The following KCNIP4 variants were observed in gnomAD, a reference collection of about 807,000 sequenced individuals.
KCNIP4 encodes the protein potassium voltage-gated channel interacting protein 4.
Under a neutral mutation model 34.0 loss-of-function variants are expected in KCNIP4, and 12 were observed. The observed-to-expected ratio is 0.35, with a 90% confidence interval of 0.23 to 0.57. KCNIP4 has a LOEUF of 0.57. Ranked by LOEUF, KCNIP4 falls within the 20% of genes least tolerant of loss-of-function variation. The pLI is 0.83. For synonymous variants in KCNIP4, 124 were observed against 102.2 expected (o/e 1.21, Z -1.29); for missense variants, 238 against 311.7 (o/e 0.76, Z 1.78).
At chr4:21,222,262 G>C (rs1270732014) in intron 1 of KCNIP4, among the ~76,000 whole-genome samples, 1 of 110,292 alleles carries the variant, frequency 9.1e-6, no homozygotes, top group African/African-American at 3.4e-5. Context: ...TCTGCCATGA[G>C]AGCAGGATGT....
chr4:21,869,879 T>C (rs1261596221), intron 1 of KCNIP4, among the ~76,000 whole-genome samples: 1 of 152,080 alleles, frequency 6.6e-6, no homozygotes, highest in Non-Finnish European at 1.5e-5. Flanking sequence ...GCCTGATGCC[T>C]GGCTTAGGCA....
chr4:21,429,244 C>T (rs1240126532), intron 1 of KCNIP4, among the ~76,000 whole-genome samples: 1 of 150,372 alleles, frequency 6.7e-6, no homozygotes, highest in African/African-American at 2.4e-5. Flanking sequence ...CACAGTTACA[C>T]AGTCTTTTCA....
At chr4:20,907,906 A>T (rs556704050) in intron 1 of KCNIP4, among the ~76,000 whole-genome samples, 1 of 152,068 alleles carries the variant, frequency 6.6e-6, no homozygotes, top group African/African-American at 2.4e-5. Flanking sequence ...AACTATTATT[A>T]ATCGTCAAGT....
chr4:21,311,127 A>G (rs1713110870), intron 1 of KCNIP4, among the ~76,000 whole-genome samples: 1 of 152,162 alleles, frequency 6.6e-6, no homozygotes, highest in Non-Finnish European at 1.5e-5. Context: ...AATGCTCAAT[A>G]AATAGTAGCT....
intron 1 of KCNIP4, among the ~76,000 whole-genome samples, chr4:21,778,672 A>G (rs1359741443): frequency 2.0e-5 from 3 of 152,192 alleles, no homozygotes; most frequent in East Asian, 1.9e-4. Context: ...CACATTTTAT[A>G]TAAATCTAGA....
At chr4:21,459,154 T>C (rs1729231373) in intron 1 of KCNIP4, among the ~76,000 whole-genome samples, 1 of 152,086 alleles carries the variant, frequency 6.6e-6, no homozygotes, top group South Asian at 2.1e-4. Flanking sequence ...GGCCACTCTC[T>C]TCAATTCCTT....
At chr4:20,868,162 T>C (rs1372308006) in intron 2 of KCNIP4, among the ~76,000 whole-genome samples, 1 of 151,742 alleles carries the variant, frequency 6.6e-6, no homozygotes, top group East Asian at 1.9e-4. Flanking sequence ...TAAAACCAAA[T>C]AACCCCCTTT....
intron 1 of KCNIP4, among the ~76,000 whole-genome samples, chr4:21,699,212 T>C (rs1267528131): frequency 2.6e-5 from 4 of 152,166 alleles, no homozygotes; most frequent in Non-Finnish European, 1.5e-5. Flanking sequence ...ATTTACTTGT[T>C]GGAGAGTAAA....
chr4:21,475,879 G>A (rs13103191), intron 1 of KCNIP4, among the ~76,000 whole-genome samples: 27 of 152,080 alleles, frequency 1.8e-4, no homozygotes, highest in African/African-American at 4.8e-4. Context: ...TTTAATTTCC[G>A]CAAACCTCAC....
intron 3 of KCNIP4, among the ~76,000 whole-genome samples, chr4:20,809,540 T>C (rs1715474860): frequency 1.3e-5 from 2 of 152,164 alleles, no homozygotes; most frequent in South Asian, 4.1e-4. Flanking sequence ...TGTGTCTCTT[T>C]CTCTTCACTC....
chr4:21,811,080 T>C (rs1389432512), intron 1 of KCNIP4, among the ~76,000 whole-genome samples: 1 of 152,198 alleles, frequency 6.6e-6, no homozygotes, highest in Non-Finnish European at 1.5e-5. Context: ...GAGAAAGACA[T>C]TTACCACATG....
intron 1 of KCNIP4, among the ~76,000 whole-genome samples, chr4:21,253,919 A>T (rs1227082821): frequency 6.6e-6 from 1 of 152,124 alleles, no homozygotes; most frequent in Non-Finnish European, 1.5e-5. Context: ...CCTCAAAAAC[A>T]TCACACTAAG....
intron 1 of KCNIP4, chr4:21,697,430 C>A: frequency 6.4e-7 from 1 of 1,563,254 alleles, no homozygotes; most frequent in Non-Finnish European, 8.6e-7. Flanking sequence ...CTTTCTACAG[C>A]CACTCATCTT....
At chr4:20,791,570 G>A (rs1712761808) in intron 3 of KCNIP4, among the ~76,000 whole-genome samples, 2 of 152,070 alleles carry the variant, frequency 1.3e-5, no homozygotes, top group Admixed American at 6.6e-5. Context: ...TGCACATGAA[G>A]AAATATAATA....
intron 1 of KCNIP4, among the ~76,000 whole-genome samples, chr4:21,787,821 C>A (rs1181010049): frequency 6.6e-6 from 1 of 152,128 alleles, no homozygotes; most frequent in Non-Finnish European, 1.5e-5. Flanking sequence ...ATTCATTCAA[C>A]ATTAGACATT....
intron 1 of KCNIP4, among the ~76,000 whole-genome samples, chr4:20,983,538 G>A (rs1274168976): frequency 6.6e-6 from 1 of 152,096 alleles, no homozygotes; most frequent in Non-Finnish European, 1.5e-5. Context: ...ATAGGAGAGA[G>A]TCCTAACTCC....
intron 1 of KCNIP4, among the ~76,000 whole-genome samples, chr4:21,580,933 T>C (rs541068515): frequency 6.6e-6 from 1 of 152,166 alleles, no homozygotes; most frequent in Admixed American, 6.6e-5. Context: ...AGAGAACAAA[T>C]GACCCAAGTC....
intron 3 of KCNIP4, among the ~76,000 whole-genome samples, chr4:20,838,071 G>A (rs1256043570): frequency 6.6e-6 from 1 of 152,074 alleles, no homozygotes; most frequent in East Asian, 1.9e-4. Flanking sequence ...CCACATAGCA[G>A]TCTTATTACC....
At chr4:21,701,639 G>A (rs1288819787) in intron 1 of KCNIP4, among the ~76,000 whole-genome samples, 1 of 152,124 alleles carries the variant, frequency 6.6e-6, no homozygotes, top group Admixed American at 6.6e-5. Flanking sequence ...ATATTAGAAT[G>A]TAGATATCTA....
Sources: gnomAD v4.1 joint callset for allele counts (sites outside exome capture counted in the v4.1 genomes callset) on GRCh38, gnomAD v4.1.1 for gene constraint, MANE v1.5 for transcripts, NCBI Gene and HGNC (gene_info 2026-07-23, HGNC 2026-07-21) for gene names.